Variants in DKK2 observed in about 807,000 individuals in gnomAD.
The protein encoded by DKK2 is dickkopf-related protein 2.
In DKK2, 11 loss-of-function variants were observed where a neutral mutation model predicts 28.1. The ratio of observed to expected loss-of-function variants is 0.39; its 90% CI spans 0.25 to 0.65. DKK2 has a LOEUF of 0.65. Ranked by LOEUF, DKK2 falls within the 30% of genes least tolerant of loss-of-function variation. The probability of loss-of-function intolerance (pLI) is 0.47; values close to 1 mark genes in which losing one functional copy is unlikely to be tolerated. For missense variants in DKK2, 326 were observed against 335.5 expected, an observed-to-expected ratio of 0.97 and a Z score of 0.22; for synonymous variants, 135 against 126.5, an observed-to-expected ratio of 1.07 and a Z score of -0.45.
At chr4:107,023,569 A>ATTATACAT (rs1425301277) in intron 1 of DKK2, among the ~76,000 whole-genome samples, 1 of 152,136 alleles carries the variant, frequency 6.6e-6, no homozygotes, top group Non-Finnish European at 1.5e-5. Context: ...GATAAATGTC[A>ATTATACAT]TTATACATTT....
intron 1 of DKK2, among the ~76,000 whole-genome samples, chr4:106,955,574 C>G (rs1003120557): frequency 2.6e-5 from 4 of 152,120 alleles, no homozygotes; most frequent in Non-Finnish European, 5.9e-5. Flanking sequence ...ACCACAGTCT[C>G]CCTTTTCACA....
Position 106,971,248 on chromosome 4 carries a change from C to T in DKK2, c.223-45299G>A, listed in dbSNP as rs537316887. ...TCTAAGTGATACTGAGCCATTCCCTCTTGATATGCAATTTCTTTGTGTTAT... is the reference window on the plus strand; with the variant it reads ...TCTAAGTGATACTGAGCCATTCCCTTTTGATATGCAATTTCTTTGTGTTAT... On this transcript the variant is annotated intron_variant, in intron 1 of 3. Transcript: ENST00000285311. Among the ~76,000 whole-genome samples, 19 of 152,206 alleles carry T rather than the reference C, an allele frequency of 1.2e-4. No homozygotes were observed. The East Asian group carries it at 3.7e-3, about 29-fold the overall frequency.
At chr4:107,005,109 G>A (rs1293752673) in intron 1 of DKK2, among the ~76,000 whole-genome samples, 2 of 152,034 alleles carry the variant, frequency 1.3e-5, no homozygotes, top group African/African-American at 2.4e-5. Flanking sequence ...TTGGAAGCCC[G>A]AGGCGGGCGT....
chr4:106,958,276 T>C (rs1722632206), intron 1 of DKK2, among the ~76,000 whole-genome samples: 1 of 151,928 alleles, frequency 6.6e-6, no homozygotes, highest in South Asian at 2.1e-4. Flanking sequence ...AAAGGATTAG[T>C]CAAAACTAGA....
In DKK2 at chr4:107,035,920, C is replaced by T; in HGVS notation, c.-329G>A. On this transcript the variant is annotated 5_prime_UTR_variant, in exon 1 of 4. Coordinates refer to ENST00000285311, the MANE Select transcript of DKK2 (RefSeq NM_014421.3). Reference sequence around the variant, plus strand: ...CCCAGCCCTGTGGATCGCACCGCTTCCGTTCCTTCTTGCCCCGCACCTCCT... The same window carrying T: ...CCCAGCCCTGTGGATCGCACCGCTTTCGTTCCTTCTTGCCCCGCACCTCCT... 1 of 360,608 alleles carries T rather than the reference C, an allele frequency of 2.8e-6. No homozygotes were observed. Among genetic ancestry groups the T allele is most frequent in the Non-Finnish European group, 5.2e-6 (1 of 193,430 alleles). The allele number at this position is 360,608 out of a possible 1,614,324, so 22.3% of individuals were successfully genotyped here. A position where few individuals can be genotyped will look rare whatever the true frequency, so the allele number is the denominator to read the frequency against.
Position 106,940,072 on chromosome 4 carries a change from CCAAAAG to C in DKK2, c.223-14129_223-14124del, listed in dbSNP as rs1312051811. 2.6e-5 allele frequency among the ~76,000 whole-genome samples: 4 copies of C among 152,234 alleles called. No individual in the cohort carries two copies. The South Asian group carries it at 8.3e-4, about 32-fold the overall frequency. ...GGGCAAGGACTTCATGTCTAAAACACCAAAAGCAATGGCAACAAAAGCCAAAATTGA... is the reference window on the plus strand; with the variant it reads ...GGGCAAGGACTTCATGTCTAAAACACCAATGGCAACAAAAGCCAAAATTGA... On this transcript the variant is annotated intron_variant, in intron 1 of 3. Coordinates refer to ENST00000285311, the MANE Select transcript of DKK2 (RefSeq NM_014421.3).
chr4:106,939,799 A>G (rs533466582), intron 1 of DKK2, among the ~76,000 whole-genome samples: 33 of 152,368 alleles, frequency 2.2e-4, no homozygotes, highest in African/African-American at 7.5e-4. Context: ...CTCAGAAATA[A>G]TGCTGCATAT....
At chr4:106,937,952 G>GAAAGATGTTCTTTGAAACCAAC (rs1578348922) in intron 1 of DKK2, among the ~76,000 whole-genome samples, 1 of 147,476 alleles carries the variant, frequency 6.8e-6, no homozygotes, top group South Asian at 2.2e-4. Flanking sequence ...CAGAATCTCT[G>GAAAGATGTTCTTTGAAACCAAC]GGACGCATTC....
At chr4:106,937,540 C>T (rs545778897) in intron 1 of DKK2, among the ~76,000 whole-genome samples, 4 of 150,606 alleles carry the variant, frequency 2.7e-5, no homozygotes, top group African/African-American at 9.8e-5. Context: ...ACCCCACTGT[C>T]AACATTAGAC....
chr4:106,988,401 A>G (rs140506263), intron 1 of DKK2, among the ~76,000 whole-genome samples: 4 of 152,210 alleles, frequency 2.6e-5, no homozygotes, highest in Admixed American at 2.6e-4. Context: ...TATAAAATGG[A>G]TATAAAAGGA....
At chr4:106,956,500 T>C (rs1722592639) in intron 1 of DKK2, among the ~76,000 whole-genome samples, 1 of 152,142 alleles carries the variant, frequency 6.6e-6, no homozygotes, top group African/African-American at 2.4e-5. Flanking sequence ...GACTTCAAAC[T>C]ATACTACAAG....
intron 1 of DKK2, among the ~76,000 whole-genome samples, chr4:106,926,186 T>C (rs561274227): frequency 1.3e-5 from 2 of 152,280 alleles, no homozygotes; most frequent in Admixed American, 1.3e-4. Flanking sequence ...TATATTTTCA[T>C]TGACACAACG....
chr4:106,940,469 G>A (rs1318694465), intron 1 of DKK2, among the ~76,000 whole-genome samples: 2 of 150,750 alleles, frequency 1.3e-5, no homozygotes, highest in Non-Finnish European at 3.0e-5. Context: ...ACAGGTGCTG[G>A]AGAGGATGTG....
At chr4:106,963,223 G>A (rs1722719443) in intron 1 of DKK2, among the ~76,000 whole-genome samples, 2 of 151,570 alleles carry the variant, frequency 1.3e-5, no homozygotes, top group African/African-American at 4.8e-5. Flanking sequence ...CGTGGTGGCA[G>A]GCACCTGTAA....
intron 1 of DKK2, among the ~76,000 whole-genome samples, chr4:106,995,928 T>C (rs1723266293): frequency 6.6e-6 from 1 of 152,192 alleles, no homozygotes; most frequent in South Asian, 2.1e-4. Flanking sequence ...TATGTATCTT[T>C]AACAAACTCT....
chr4:107,033,998 T>C (rs1046468377), intron 1 of DKK2, among the ~76,000 whole-genome samples: 1 of 152,042 alleles, frequency 6.6e-6, no homozygotes, highest in African/African-American at 2.4e-5. Flanking sequence ...TTAAAAAAAA[T>C]CTGATTGCTG....
intron 1 of DKK2, among the ~76,000 whole-genome samples, chr4:107,008,448 C>A (rs536824680): frequency 6.6e-6 from 1 of 151,944 alleles, no homozygotes; most frequent in East Asian, 1.9e-4. Context: ...TTAAGAAAGG[C>A]TTTTTGGAGA....
intron 1 of DKK2, among the ~76,000 whole-genome samples, chr4:106,960,347 A>T (rs1157864418): frequency 6.6e-6 from 1 of 152,128 alleles, no homozygotes; most frequent in Non-Finnish European, 1.5e-5. Flanking sequence ...ACACGTTCTC[A>T]CTTCTAAGTG....
At chr4:106,933,219 T>C (rs1724528219) in intron 1 of DKK2, among the ~76,000 whole-genome samples, 1 of 152,196 alleles carries the variant, frequency 6.6e-6, no homozygotes, top group Non-Finnish European at 1.5e-5. Context: ...GCAAGATTAC[T>C]GATGCCTCCT....
Sources: gnomAD v4.1 joint callset for allele counts (sites outside exome capture counted in the v4.1 genomes callset) on GRCh38, gnomAD v4.1.1 for gene constraint, MANE v1.5 for transcripts, NCBI Gene and HGNC (gene_info 2026-07-23, HGNC 2026-07-21) for gene names.